Variants in PCDHGB4 observed in about 807,000 individuals in gnomAD.
PCDHGB4 encodes protocadherin gamma-B4.
A neutral mutation model predicts 60.5 loss-of-function variants in PCDHGB4; 38 were observed. The observed-to-expected ratio is 0.63, with a 90% confidence interval of 0.48 to 0.82. The LOEUF (loss-of-function observed/expected upper bound fraction) is 0.82, where lower values mean the gene tolerates loss of function less well. Among genes scored for constraint, PCDHGB4 ranks in the 40% least tolerant of loss-of-function variants. The probability of loss-of-function intolerance (pLI) is 0.00; values close to 1 mark genes in which losing one functional copy is unlikely to be tolerated. For missense variants in PCDHGB4, 1,109 were observed against 1,209.6 expected, an observed-to-expected ratio of 0.92 and a Z score of 1.23; for synonymous variants, 456 against 509.7, an observed-to-expected ratio of 0.89 and a Z score of 1.42.
At chr5:141,410,481 G>A in intron 1 of PCDHGB4, 2 of 1,613,966 alleles carry the variant, frequency 1.2e-6, no homozygotes, top group Non-Finnish European at 1.7e-6. Context: ...GCACATACGG[G>A]TACAAAAGAG....
rs1454071261 is a variant in PCDHGB4 at position 141,389,992 on chromosome 5, T to C, written c.2108T>C (p.Val703Ala). Reference protein sequence around the residue: ...ALALISVLFLVAMILAIALRL... With the variant: ...ALALISVLFLAAMILAIALRL... ...GCCTTGATCTCAGTGCTCTTCCTCGTGGCCATGATTCTGGCCATTGCCTTG... is the reference window on the plus strand; with the variant it reads ...GCCTTGATCTCAGTGCTCTTCCTCGCGGCCATGATTCTGGCCATTGCCTTG... Residue 703 changes from valine (V) to alanine (A), a missense_variant, in exon 1 of 4, where the codon GTG becomes GCG. Val to Ala is a moderately conservative substitution (Grantham distance 64). This residue lies in a region of PCDHGB4 where 1,068 missense variants were observed against 1,089.9 expected (regional missense o/e 0.98). Transcript: ENST00000519479. 6.2e-7 allele frequency: 1 copy of C among 1,614,010 alleles called. No homozygotes were observed. The highest frequency in any genetic ancestry group is 1.1e-5 in the South Asian group (1 of 91,074).
intron 1 of PCDHGB4, chr5:141,414,963 G>T (rs2095808106): frequency 1.1e-5 from 17 of 1,614,006 alleles, no homozygotes; most frequent in Non-Finnish European, 1.4e-5. Context: ...CCAAGGTGGT[G>T]GCGGTGGACA....
At chr5:141,492,265 G>C (rs1363279754) in intron 1 of PCDHGB4, among the ~76,000 whole-genome samples, 1 of 152,180 alleles carries the variant, frequency 6.6e-6, no homozygotes, top group Non-Finnish European at 1.5e-5. Flanking sequence ...CAAGTTGCAC[G>C]GGCTCGCCAC....
At chr5:141,423,533 T>C (rs2096751691) in intron 1 of PCDHGB4, 1 of 1,613,650 alleles carries the variant, frequency 6.2e-7, no homozygotes, top group Non-Finnish European at 8.5e-7. Flanking sequence ...AAGAGTCACC[T>C]GATTTTCCCC....
intron 3 of PCDHGB4, among the ~76,000 whole-genome samples, chr5:141,509,841 C>T (rs546036990): frequency 2.0e-5 from 3 of 152,326 alleles, no homozygotes; most frequent in African/African-American, 7.2e-5. Context: ...ACCTCCCATT[C>T]ACTCAGAACA....
chr5:141,510,817 T>C, intron 3 of PCDHGB4, 130 bp from the exon 4 acceptor site: 2 of 1,551,592 alleles, frequency 1.3e-6, no homozygotes, highest in African/African-American at 2.7e-5. Flanking sequence ...GTGACCCCTA[T>C]ATTCCCAGTG....
At position 141,389,389 on chromosome 5, in the gene PCDHGB4, A is replaced by G; in HGVS notation, c.1505A>G (p.Tyr502Cys). 1 of 1,613,668 alleles carries G rather than the reference A, an allele frequency of 6.2e-7. No homozygotes were observed. The highest frequency in any genetic ancestry group is 8.5e-7 in the Non-Finnish European group (1 of 1,179,896). Residue 502 changes from tyrosine (Y) to cysteine (C), a missense_variant, in exon 1 of 4, where the codon TAC (tyrosine) becomes TGC (cysteine). Physicochemically the swap from Tyr to Cys is radical, Grantham distance 194 (BLOSUM62 -2). Transcript: ENST00000519479. ...SDLEQRELSS[Y>C]VSISAESGVV... ...CTGGAGCAGCGGGAGCTGTCATCCT[A>G]CGTGTCCATAAGCGCGGAGAGCGGG...
chr5:141,503,221 C>A (rs528636727), intron 2 of PCDHGB4, among the ~76,000 whole-genome samples: 2 of 151,956 alleles, frequency 1.3e-5, no homozygotes, highest in Non-Finnish European at 2.9e-5. Context: ...CCATGAGCAC[C>A]GTAAAGATGG....
At position 141,485,299 on chromosome 5, in the gene PCDHGB4, G is replaced by A; in HGVS notation, c.2398-9508G>A. On this transcript the variant is annotated intron_variant, in intron 1 of 3. Coordinates refer to ENST00000519479, the MANE Select transcript of PCDHGB4 (RefSeq NM_003736.4). The surrounding 1 kb of genome is among the most constrained non-coding windows in gnomAD (Gnocchi z 5.7). ...CGGTCCCAGAGGAGTCACAGGAAGG[G>A]ACTTTTGTAGGGAATGTCGCTCAAG... 1 of 1,614,180 alleles carries A rather than the reference G, an allele frequency of 6.2e-7. No individual in the cohort carries two copies. Among genetic ancestry groups the A allele is most frequent in the Non-Finnish European group, 8.5e-7 (1 of 1,180,012 alleles).
At position 141,494,934 on chromosome 5, in the gene PCDHGB4, T is replaced by C. The variant is rs2099757666; in HGVS notation, c.2456+69T>C. On this transcript the variant is annotated intron_variant, in intron 2 of 3. Transcript: ENST00000519479. ...TTCTCAGGGATGACGTGGGAGGAGA[T>C]GGGGGAGGGCCCAGCATTTGCTACA... 5.6e-6 allele frequency: 9 copies of C among 1,612,736 alleles called. No individual in the cohort carries two copies. The South Asian group carries it at 7.7e-5, about 14-fold the overall frequency.
intron 1 of PCDHGB4, among the ~76,000 whole-genome samples, chr5:141,437,076 A>G (rs1018228245): frequency 6.6e-6 from 1 of 152,236 alleles, no homozygotes; most frequent in African/African-American, 2.4e-5. Flanking sequence ...TTTGGGCCAT[A>G]TAAGAATTGA....
At chr5:141,417,943 G>A (rs772925118) in intron 1 of PCDHGB4, 2 of 1,613,194 alleles carry the variant, frequency 1.2e-6, no homozygotes, top group Admixed American at 1.7e-5. Flanking sequence ...TCTACCCCAC[G>A]CTGTGTGAGC....
At chr5:141,503,133 C>A (rs1164077875) in intron 2 of PCDHGB4, among the ~76,000 whole-genome samples, 1 of 152,002 alleles carries the variant, frequency 6.6e-6, no homozygotes, top group Non-Finnish European at 1.5e-5. Context: ...CTGGTAGCCC[C>A]TGACACAGCC....
chr5:141,469,821 G>GTCAC (rs2099212195), intron 1 of PCDHGB4, among the ~76,000 whole-genome samples: 1 of 152,028 alleles, frequency 6.6e-6, no homozygotes, highest in African/African-American at 2.4e-5. Flanking sequence ...TAGAATGGAG[G>GTCAC]TCACATAAAA....
chr5:141,465,546 T>C (rs572856697), intron 1 of PCDHGB4, among the ~76,000 whole-genome samples: 1 of 152,338 alleles, frequency 6.6e-6, no homozygotes, highest in South Asian at 2.1e-4. Context: ...GCATTTTTTC[T>C]GCTGAAGCTT....
chr5:141,398,125 G>C (rs1353004584), intron 1 of PCDHGB4: 1 of 1,586,808 alleles, frequency 6.3e-7, no homozygotes. Flanking sequence ...GAGAGCAAGA[G>C]GGATGGGGAG....
chr5:141,420,256 T>C (rs377440259), intron 1 of PCDHGB4: 2 of 1,569,010 alleles, frequency 1.3e-6, no homozygotes, highest in Non-Finnish European at 1.7e-6. Flanking sequence ...TTGAAGCAGA[T>C]AAGAAGATTC....
At chr5:141,460,983 G>GTGTGTA (rs1554142949) in intron 1 of PCDHGB4, among the ~76,000 whole-genome samples, 82 of 137,842 alleles carry the variant, frequency 5.9e-4, no homozygotes, top group African/African-American at 1.9e-3. Flanking sequence ...GTGTGTGTGT[G>GTGTGTA]TATATATATA....
intron 1 of PCDHGB4, chr5:141,419,208 C>T: frequency 6.2e-7 from 1 of 1,613,966 alleles, no homozygotes; most frequent in Non-Finnish European, 8.5e-7. Flanking sequence ...GACAACGCGC[C>T]GGTTTTCGGA....
Sources: gnomAD v4.1 joint callset for allele counts (sites outside exome capture counted in the v4.1 genomes callset) on GRCh38, gnomAD v4.1.1 for gene constraint, gnomAD v4.1.1 regional missense constraint, Gnocchi (gnomAD v3.1) non-coding constraint, MANE v1.5 for transcripts, NCBI Gene and HGNC (gene_info 2026-07-23, HGNC 2026-07-21) for gene names.